The following RORA variants were observed in gnomAD, a reference collection of about 807,000 sequenced individuals.
The protein encoded by RORA is RAR related orphan receptor A.
A neutral mutation model predicts 69.5 loss-of-function variants in RORA; 7 were observed. That is an observed-to-expected ratio of 0.10 (90% CI 0.06 to 0.19). The LOEUF is 0.19. Ranked by LOEUF, RORA falls within the 10% of genes least tolerant of loss-of-function variation. The pLI is 1.00. For synonymous variants in RORA, 261 were observed against 240.8 expected (o/e 1.08, Z -0.78); for missense variants, 457 against 663.0 (o/e 0.69, Z 3.41).
intron 1 of RORA, among the ~76,000 whole-genome samples, chr15:61,000,788 A>G (rs908497657): frequency 2.6e-5 from 4 of 152,162 alleles, no homozygotes; most frequent in African/African-American, 9.7e-5. Flanking sequence ...TTCCAGAGGG[A>G]GATCAGGCAA....
intron 1 of RORA, among the ~76,000 whole-genome samples, chr15:61,028,088 T>G (rs1259524560): frequency 6.6e-6 from 1 of 152,226 alleles, no homozygotes; most frequent in African/African-American, 2.4e-5. Context: ...GGGAATCCCA[T>G]TCCTCTTCAC....
chr15:60,703,354 A>T (rs910411430), intron 1 of RORA, among the ~76,000 whole-genome samples: 1 of 152,196 alleles, frequency 6.6e-6, no homozygotes, highest in African/African-American at 2.4e-5. Flanking sequence ...TCCATTGACA[A>T]ATATAGCACT....
intron 1 of RORA, among the ~76,000 whole-genome samples, chr15:61,167,356 T>C (rs2079547076): frequency 6.6e-6 from 1 of 152,218 alleles, no homozygotes; most frequent in South Asian, 2.1e-4. Flanking sequence ...TTGAACAATT[T>C]TGAGTTACTT....
intron 1 of RORA, among the ~76,000 whole-genome samples, chr15:61,209,197 G>A (rs966430410): frequency 2.2e-4 from 33 of 151,316 alleles, no homozygotes; most frequent in Non-Finnish European, 3.5e-4. Context: ...ATGTAAAATA[G>A]ATCTTTATTT....
rs1555421100 is a variant in RORA, at chr15:60,495,870, AAC to A, written c.*1583_*1584del. Reference sequence around the variant, plus strand: ...CACTAGGGATCATTAAAAAAAAAAAAACCATGAAATTAAACAAAAACAACTCA... The same window carrying A: ...CACTAGGGATCATTAAAAAAAAAAAACATGAAATTAAACAAAAACAACTCA... On this transcript the variant is annotated 3_prime_UTR_variant, in exon 11 of 11. Transcript: ENST00000335670. 4 of 136,002 alleles carry A rather than the reference AAC, an allele frequency of 2.9e-5. No individual in the cohort carries two copies. The highest frequency in any genetic ancestry group is 1.1e-4 in the African/African-American group (4 of 36,660). 8.4% of individuals were successfully genotyped at this position (136,002 alleles called of 1,614,324 possible).
intron 1 of RORA, among the ~76,000 whole-genome samples, chr15:60,685,580 G>A (rs1385624865): frequency 6.6e-6 from 1 of 152,050 alleles, no homozygotes. Context: ...GTAGGGCCTC[G>A]CCAAACAAAA....
intron 1 of RORA, among the ~76,000 whole-genome samples, chr15:61,160,670 C>T (rs924479333): frequency 3.9e-5 from 6 of 152,052 alleles, no homozygotes; most frequent in African/African-American, 1.4e-4. Flanking sequence ...TGATAAGAAA[C>T]ATAGTGGCAA....
At chr15:61,191,551 C>G (rs543542007) in intron 1 of RORA, among the ~76,000 whole-genome samples, 2 of 152,316 alleles carry the variant, frequency 1.3e-5, no homozygotes, top group Admixed American at 1.3e-4. Flanking sequence ...CCATTTTAGT[C>G]AAGCCCAGTG....
chr15:61,120,719 AC>A lies in RORA; in HGVS notation c.166+108333del, dbSNP rs1290979521. On this transcript the variant is annotated intron_variant, in intron 1 of 10. Coordinates refer to ENST00000335670, the MANE Select transcript of RORA (RefSeq NM_134261.3). ...CTGTCTCAAAAAAAAAAAAAAAAAA[AC>A]ATACCCTACTTCAAAGGACACATAT... Among the ~76,000 whole-genome samples, 921 of 151,006 alleles carry A rather than the reference AC, an allele frequency of 6.1e-3. 9 individuals are homozygous for A. The highest frequency in any genetic ancestry group is 8.9e-3 in the Non-Finnish European group (599 of 67,682).
intron 1 of RORA, among the ~76,000 whole-genome samples, chr15:60,799,994 A>T (rs1382525171): frequency 6.6e-6 from 1 of 152,234 alleles, no homozygotes; most frequent in Non-Finnish European, 1.5e-5. Flanking sequence ...GGCTGCAGCC[A>T]GGGCTGTGTT....
In RORA at chr15:61,123,273, T is replaced by C. The variant is rs978818651; in HGVS notation, c.166+105780A>G. ...TTTTCTTAATACACCAGAGGCTGAG[T>C]TAACTGCCAATGAGGCGAGGGGGGA... is the stretch of plus-strand genomic sequence containing the variant. On this transcript the variant is annotated intron_variant, in intron 1 of 10. Transcript: ENST00000335670. 5.9e-5 allele frequency among the ~76,000 whole-genome samples: 9 copies of C among 152,078 alleles called. No homozygotes were observed. In the South Asian group the frequency reaches 1.2e-3, roughly 21 times the overall value.
intron 1 of RORA, among the ~76,000 whole-genome samples, chr15:61,037,771 G>A (rs1160135219): frequency 2.0e-5 from 3 of 152,164 alleles, no homozygotes; most frequent in Non-Finnish European, 4.4e-5. Context: ...TAATTGTAAG[G>A]CAAGGTGGCC....
At chr15:60,660,754 A>T (rs200934656) in intron 2 of RORA, among the ~76,000 whole-genome samples, 14 of 28,580 alleles carry the variant, frequency 4.9e-4, no homozygotes, top group Non-Finnish European at 1.6e-3. Context: ...ACACTGAAAG[A>T]AAAAAAAAAC....
intron 1 of RORA, among the ~76,000 whole-genome samples, chr15:60,821,612 T>C (rs1184425387): frequency 6.6e-6 from 1 of 152,252 alleles, no homozygotes; most frequent in Non-Finnish European, 1.5e-5. Flanking sequence ...CTGCCTAGGT[T>C]GTAAGCTCTA....
rs1406632650 is a variant in RORA, at chr15:61,074,129, T to C, written c.166+154924A>G. On this transcript the variant is annotated intron_variant, in intron 1 of 10. Transcript: ENST00000335670. The stretch of plus-strand genomic sequence containing the variant: ...CTATTATCATGAAGAGCAAAAAAGC[T>C]CCTCCAGGCCCCCCACCATCATGCC... Among the ~76,000 whole-genome samples, 4 of 152,126 alleles carry C rather than the reference T, an allele frequency of 2.6e-5. No individual in the cohort carries two copies. The East Asian group carries it at 5.8e-4, about 22-fold the overall frequency.
At chr15:60,720,013 A>G (rs1463117843) in intron 1 of RORA, among the ~76,000 whole-genome samples, 1 of 152,196 alleles carries the variant, frequency 6.6e-6, no homozygotes, top group Admixed American at 6.5e-5. Context: ...CCCACCTCCC[A>G]GCCTTTATTG....
chr15:60,785,634 T>C (rs773547425), intron 1 of RORA, among the ~76,000 whole-genome samples: 2 of 152,202 alleles, frequency 1.3e-5, no homozygotes, highest in African/African-American at 2.4e-5. Flanking sequence ...CTTCCTCACG[T>C]TTCAGGGCTG....
intron 1 of RORA, among the ~76,000 whole-genome samples, chr15:61,136,738 T>C (rs550125592): frequency 1.3e-5 from 2 of 152,310 alleles, no homozygotes; most frequent in South Asian, 2.1e-4. Flanking sequence ...ATGCTAATCA[T>C]AATGATGGCA....
At chr15:60,607,925 A>C (rs2068989707) in intron 2 of RORA, among the ~76,000 whole-genome samples, 1 of 152,258 alleles carries the variant, frequency 6.6e-6, no homozygotes, top group South Asian at 2.1e-4. Context: ...GGTTTCTAAA[A>C]GTATGCTTTA....
Sources: allele counts gnomAD v4.1 joint callset (sites outside exome capture counted in the v4.1 genomes callset), GRCh38; gene constraint gnomAD v4.1.1; transcripts MANE v1.5; gene names NCBI Gene and HGNC (gene_info 2026-07-23, HGNC 2026-07-21).